LYST: variants seen among roughly 807,000 people sequenced by gnomAD.
LYST encodes the protein lysosomal-trafficking regulator.
LYST carries 192 observed loss-of-function variants against 413.6 expected under a neutral mutation model. The observed-to-expected ratio is 0.46, with a 90% CI of 0.41 to 0.52. The LOEUF is 0.52. Among genes scored for constraint, LYST ranks in the 20% least tolerant of loss-of-function variants. The pLI, the probability that LYST is intolerant of heterozygous loss-of-function variation, is 0.00. For missense variants in LYST, 3,815 were observed against 4,499.9 expected, an observed-to-expected ratio of 0.85 and a Z score of 4.35; for synonymous variants, 1,525 against 1,567.3, an observed-to-expected ratio of 0.97 and a Z score of 0.64.
Position 235,674,420 on chromosome 1 carries a change from T to C in LYST, c.11038+2671A>G, listed in dbSNP as rs1256890775. ...ACAATCGTAAAAAAAAAAAAAAAAG[T>C]GTCCCCCTCGGGTCTTTTGATCGTC... is the stretch of plus-strand genomic sequence containing the variant. On this transcript the variant is annotated intron_variant, in intron 50 of 52. Transcript: ENST00000389793. This position sits in a 1 kb window ranked among gnomAD's most constrained non-coding sequence, Gnocchi z 4.1. 6.8e-6 allele frequency among the ~76,000 whole-genome samples: 1 copy of C among 147,978 alleles called. No individual in the cohort carries two copies. The highest frequency in any genetic ancestry group is 1.5e-5 in the Non-Finnish European group (1 of 67,136).
At chr1:235,872,664 T>C (rs1680986499) in intron 1 of LYST, among the ~76,000 whole-genome samples, 1 of 152,166 alleles carries the variant, frequency 6.6e-6, no homozygotes, top group Admixed American at 6.5e-5. Flanking sequence ...CTCATACCTG[T>C]AATCCCAGCT....
chr1:235,701,654 T>C (rs1258262712), intron 45 of LYST, among the ~76,000 whole-genome samples: 2 of 151,742 alleles, frequency 1.3e-5, no homozygotes, highest in African/African-American at 4.9e-5. Context: ...ATCAATCAAG[T>C]GACAGATTGT....
intron 34 of LYST, among the ~76,000 whole-genome samples, chr1:235,733,012 A>C (rs781677098): frequency 6.6e-6 from 1 of 152,164 alleles, no homozygotes; most frequent in Non-Finnish European, 1.5e-5. Context: ...ATATCCTATT[A>C]TCTTCTACTT....
upstream of LYST, among the ~76,000 whole-genome samples, chr1:235,870,800 A>G (rs1162630276): frequency 2.0e-5 from 3 of 152,342 alleles, no homozygotes; most frequent in East Asian, 5.8e-4. Context: ...CTCAGTAAAT[A>G]TTTGGATAAA....
At chr1:235,719,088 G>A (rs748508598) in intron 40 of LYST, among the ~76,000 whole-genome samples, 5 of 151,984 alleles carry the variant, frequency 3.3e-5, no homozygotes, top group Admixed American at 1.3e-4. Context: ...GTGCAATCTC[G>A]GCTCATCGCA....
At chr1:235,767,570 A>G (rs964072946) in intron 20 of LYST, among the ~76,000 whole-genome samples, 1 of 152,122 alleles carries the variant, frequency 6.6e-6, no homozygotes, top group Admixed American at 6.6e-5. Context: ...TCCCAAGTCC[A>G]GCCCAGGTTA....
In LYST at chr1:235,828,074, C is replaced by T. The variant is rs1330401841; in HGVS notation, c.192+2152G>A. On this transcript the variant is annotated intron_variant, in intron 3 of 52. Coordinates refer to ENST00000389793, the MANE Select transcript of LYST (RefSeq NM_000081.4). Reference sequence around the variant, plus strand: ...TGTGAACTAAAACTACAATAAGATACTACTTCATATTCTTTTAGAATGGCT... The same window carrying T: ...TGTGAACTAAAACTACAATAAGATATTACTTCATATTCTTTTAGAATGGCT... The T allele has an allele frequency of 7.0e-6, 5 of 711,416 alleles. No homozygotes were observed. In the African/African-American group the frequency reaches 9.6e-5, roughly 14 times the overall value. 44.1% of individuals were successfully genotyped at this position (711,416 alleles called of 1,614,324 possible). A position where few individuals can be genotyped will look rare whatever the true frequency, so the allele number is the denominator to read the frequency against.
At chr1:235,755,166 G>A (rs1259639090) in intron 25 of LYST, among the ~76,000 whole-genome samples, 5 of 146,284 alleles carry the variant, frequency 3.4e-5, no homozygotes, top group Non-Finnish European at 7.4e-5. Flanking sequence ...AAGGCAGGCA[G>A]ATCACGAGGT....
chr1:235,824,391 C>A (rs1461844940), intron 3 of LYST, among the ~76,000 whole-genome samples: 3 of 152,244 alleles, frequency 2.0e-5, no homozygotes, highest in Non-Finnish European at 4.4e-5. Context: ...AAACCAGAAG[C>A]CATTATTTTC....
chr1:235,839,623 C>CCT (rs1553316939), intron 1 of LYST: 2 of 150,916 alleles, frequency 1.3e-5, no homozygotes, highest in African/African-American at 4.9e-5. Context: ...GAGAACCCCC[C>CCT]CCACCACGCC....
intron 6 of LYST, 43 bp downstream of exon 6, chr1:235,805,698 ATG>A: frequency 9.1e-7 from 1 of 1,102,388 alleles, no homozygotes; most frequent in East Asian, 2.4e-5. Context: ...GTGTATATAT[ATG>A]TATATATATT....
Position 235,865,844 on chromosome 1 carries a change from AAAC to A in LYST, c.-98+996_-98+998del, listed in dbSNP as rs556553397. On this transcript the variant is annotated intron_variant, in intron 1 of 52. Transcript: ENST00000389793. ...AGTTTGTCCTATCAATCTGTTAAAC[AAAC>A]AATAGGAAAATGCAACCTGCATTTG... Among the ~76,000 whole-genome samples, 47 of 152,358 alleles carry A rather than the reference AAAC, an allele frequency of 3.1e-4. No individual in the cohort carries two copies. In the East Asian group the frequency reaches 9.1e-3, roughly 29 times the overall value.
chr1:235,855,741 A>G (rs1679098997), intron 1 of LYST, among the ~76,000 whole-genome samples: 1 of 152,154 alleles, frequency 6.6e-6, no homozygotes, highest in African/African-American at 2.4e-5. Flanking sequence ...ATTCTGCAAA[A>G]TAAGTTTTAG....
intron 31 of LYST, 30 bp from the exon 32 acceptor site, chr1:235,734,689 T>C (rs1388859511): frequency 6.9e-7 from 1 of 1,458,900 alleles, no homozygotes; most frequent in Admixed American, 1.7e-5. Flanking sequence ...TTTTTAGTCA[T>C]TTAGAATTTT....
intron 2 of LYST, among the ~76,000 whole-genome samples, chr1:235,831,997 G>A (rs935096082): frequency 2.0e-5 from 3 of 152,006 alleles, no homozygotes; most frequent in Admixed American, 1.3e-4. Context: ...TCACCTTCTG[G>A]GCCATCAAGA....
Position 235,791,938 on chromosome 1 carries a change from T to C in LYST, c.4304A>G (p.Lys1435Arg). Residue 1435 changes from lysine (K) to arginine (R), a missense_variant, in exon 12 of 53, where the codon AAG (lysine) becomes AGG (arginine). Physicochemically the swap from Lys to Arg is conservative, Grantham distance 26. Transcript: ENST00000389793. ...LLRRARVSRS[K>R]KEADRESFPH... ...AAAACTCTCTCTATCAGCCTCTTTCTTGCTCCGTGAAACTCGTGCTCTTCT... is the reference window on the plus strand; with the variant it reads ...AAAACTCTCTCTATCAGCCTCTTTCCTGCTCCGTGAAACTCGTGCTCTTCT... 1 of 1,614,144 alleles carries C rather than the reference T, an allele frequency of 6.2e-7. No homozygotes were observed. Among genetic ancestry groups the C allele is most frequent in the South Asian group, 1.1e-5 (1 of 91,086 alleles).
chr1:235,747,215 G>C (rs1339251331), intron 28 of LYST: 1 of 450,630 alleles, frequency 2.2e-6, no homozygotes. Flanking sequence ...GGAGAAAACT[G>C]GGGGGATGAG....
At chr1:235,730,018 AT>A (rs1664222703) in intron 36 of LYST, among the ~76,000 whole-genome samples, 1 of 151,766 alleles carries the variant, frequency 6.6e-6, no homozygotes, top group Non-Finnish European at 1.5e-5. Flanking sequence ...TTATTTTTGT[AT>A]TATTATTTTG....
chr1:235,825,619 T>C (rs754680391), intron 3 of LYST, among the ~76,000 whole-genome samples: 43 of 152,204 alleles, frequency 2.8e-4, no homozygotes, highest in Non-Finnish European at 5.7e-4. Flanking sequence ...AGAATAAATT[T>C]AACCAAACAA....
Sources: allele counts gnomAD v4.1 joint callset (sites outside exome capture counted in the v4.1 genomes callset), GRCh38; gene constraint gnomAD v4.1.1; non-coding constraint Gnocchi (gnomAD v3.1); transcripts MANE v1.5; gene names NCBI Gene and HGNC (gene_info 2026-07-23, HGNC 2026-07-21).